Variants in RUNX1T1 observed in about 807,000 individuals in gnomAD.
RUNX1T1 encodes RUNX1 partner transcriptional co-repressor 1.
Under a neutral mutation model 62.8 loss-of-function variants are expected in RUNX1T1, and 4 were observed. The observed-to-expected ratio is 0.06, with a 90% CI of 0.03 to 0.15. The LOEUF is 0.15. Among genes scored for constraint, RUNX1T1 ranks in the 10% least tolerant of loss-of-function variants. RUNX1T1 has a pLI of 1.00. For missense variants in RUNX1T1, 508 were observed against 754.3 expected (o/e 0.67, Z 3.82); for synonymous variants, 291 against 286.0 (o/e 1.02, Z -0.18).
intron 5 of RUNX1T1, among the ~76,000 whole-genome samples, chr8:92,003,838 G>T (rs1484235017): frequency 6.6e-6 from 1 of 152,188 alleles, no homozygotes; most frequent in Non-Finnish European, 1.5e-5. Flanking sequence ...AACAAAATAT[G>T]ATTTGCAAGA....
intron 10 of RUNX1T1, among the ~76,000 whole-genome samples, chr8:91,970,167 ACTGTCTCTAAGAT>A (rs1812523721): frequency 6.6e-6 from 1 of 152,132 alleles, no homozygotes; most frequent in South Asian, 2.1e-4. Context: ...GGAAGTACAG[ACTGTCTCTAAGAT>A]CTCTTAGAAA....
At position 92,096,409 on chromosome 8, in the gene RUNX1T1, G is replaced by A. The variant is rs755169852; in HGVS notation, c.-86+3171C>T. Among the ~76,000 whole-genome samples the A allele has an allele frequency of 2.0e-5, 3 of 152,278 alleles. No individual in the cohort carries two copies. In the South Asian group the frequency reaches 6.2e-4, roughly 32 times the overall value. On this transcript the variant is annotated intron_variant, in intron 1 of 11. Transcript: ENST00000265814. ...AACAAGCAAGGGCTAATGCTTGTCC[G>A]TCAGTCCAGAGTTCATCCCCCTCCC...
chr8:92,007,993 AAAG>A (rs1383015615), intron 4 of RUNX1T1, among the ~76,000 whole-genome samples: 3 of 151,304 alleles, frequency 2.0e-5, no homozygotes, highest in Admixed American at 1.3e-4. Context: ...AAAAAGAAAG[AAAG>A]AAAAAGAAAA....
At chr8:92,102,823 C>G, upstream of RUNX1T1, 1 of 1,495,690 alleles carries the variant, frequency 6.7e-7, no homozygotes, top group South Asian at 1.3e-5. The surrounding 1 kb of genome is among the most constrained non-coding windows in gnomAD (Gnocchi z 4.5). Context: ...CCCCGCCGCC[C>G]GCCCGCCGGC....
chr8:92,035,776 T>C (rs1035002134), intron 1 of RUNX1T1, among the ~76,000 whole-genome samples: 1 of 151,988 alleles, frequency 6.6e-6, no homozygotes, highest in African/African-American at 2.4e-5. Flanking sequence ...TCTGCATATA[T>C]ATATATATAT....
chr8:92,099,099 A>G (rs953545385), intron 1 of RUNX1T1, among the ~76,000 whole-genome samples: 1 of 152,216 alleles, frequency 6.6e-6, no homozygotes, highest in African/African-American at 2.4e-5. Context: ...TTGATTGAAT[A>G]TTTGTTATTT....
intron 5 of RUNX1T1, among the ~76,000 whole-genome samples, chr8:92,002,119 A>C (rs932231565): frequency 6.6e-6 from 1 of 152,200 alleles, no homozygotes; most frequent in Admixed American, 6.5e-5. Context: ...TGACGTTTAC[A>C]TATTAACAAA....
At chr8:92,062,415 G>T (rs1210323379) in intron 1 of RUNX1T1, 2 of 991,106 alleles carry the variant, frequency 2.0e-6, no homozygotes, top group Non-Finnish European at 3.2e-6. Context: ...TCACACCTCT[G>T]TCACCCCCAG....
intron 1 of RUNX1T1, among the ~76,000 whole-genome samples, chr8:92,054,478 A>C (rs1009408193): frequency 1.3e-5 from 2 of 152,306 alleles, no homozygotes; most frequent in East Asian, 1.9e-4. Flanking sequence ...GGTACACAGC[A>C]TATCTACAAT....
chr8:92,002,564 T>C (rs1036353404), intron 5 of RUNX1T1, among the ~76,000 whole-genome samples: 3 of 152,130 alleles, frequency 2.0e-5, no homozygotes, highest in Admixed American at 6.5e-5. Context: ...AAACAAAATA[T>C]AGAGCGCTCT....
intron 1 of RUNX1T1, among the ~76,000 whole-genome samples, chr8:92,025,591 G>A (rs570405607): frequency 1.3e-4 from 20 of 152,266 alleles, no homozygotes; most frequent in East Asian, 5.8e-4. Flanking sequence ...CCAGCTGGCC[G>A]GGTTTGTCCC....
At chr8:92,008,684 C>T (rs1821354844) in intron 4 of RUNX1T1, among the ~76,000 whole-genome samples, 1 of 152,018 alleles carries the variant, frequency 6.6e-6, no homozygotes, top group Non-Finnish European at 1.5e-5. Context: ...TGGCTCCCAT[C>T]CAGAAACAGC....
chr8:92,054,767 G>A (rs1009459249), intron 1 of RUNX1T1, among the ~76,000 whole-genome samples: 72 of 152,168 alleles, frequency 4.7e-4, no homozygotes, highest in African/African-American at 1.5e-3. Context: ...TTTGGGAGGC[G>A]GGCGGATCAC....
At chr8:92,024,867 T>A (rs1432487762) in intron 1 of RUNX1T1, among the ~76,000 whole-genome samples, 2 of 152,232 alleles carry the variant, frequency 1.3e-5, no homozygotes, top group African/African-American at 4.8e-5. Flanking sequence ...TGTGTTATCA[T>A]TGGGCTTCAG....
chr8:92,016,392 C>A (rs971263617), intron 2 of RUNX1T1, among the ~76,000 whole-genome samples: 1 of 152,138 alleles, frequency 6.6e-6, no homozygotes, highest in Non-Finnish European at 1.5e-5. Flanking sequence ...ACAAGAAAGA[C>A]ACGACCGGGT....
chr8:91,971,287 G>C (rs1428697432), intron 9 of RUNX1T1: 1 of 153,094 alleles, frequency 6.5e-6, no homozygotes, highest in Non-Finnish European at 1.5e-5. Flanking sequence ...GAAGTTAAAG[G>C]ACAAGGTCAT....
At chr8:92,004,043 G>T (rs1464545611) in intron 5 of RUNX1T1, among the ~76,000 whole-genome samples, 1 of 152,172 alleles carries the variant, frequency 6.6e-6, no homozygotes, top group Non-Finnish European at 1.5e-5. Flanking sequence ...ATGTAAACTG[G>T]CTGGCTTTTA....
intron 1 of RUNX1T1, among the ~76,000 whole-genome samples, chr8:92,089,928 A>T: frequency 7.3e-6 from 1 of 136,270 alleles, no homozygotes; most frequent in Non-Finnish European, 1.6e-5. Flanking sequence ...CTGAATTTAA[A>T]AAAAAAAAAA....
chr8:91,971,643 C>T (rs1318874398), intron 9 of RUNX1T1, among the ~76,000 whole-genome samples: 3 of 152,078 alleles, frequency 2.0e-5, no homozygotes, highest in African/African-American at 7.2e-5. Flanking sequence ...AAAAAATAAT[C>T]TCATTTTTAC....
Sources: allele counts gnomAD v4.1 joint callset (sites outside exome capture counted in the v4.1 genomes callset), GRCh38; gene constraint gnomAD v4.1.1; non-coding constraint Gnocchi (gnomAD v3.1); transcripts MANE v1.5; gene names NCBI Gene and HGNC (gene_info 2026-07-23, HGNC 2026-07-21).